Variants in CREB3L2 observed in about 807,000 individuals in gnomAD.
The protein encoded by CREB3L2 is cyclic AMP-responsive element-binding protein 3-like protein 2.
CREB3L2 carries 23 observed loss-of-function variants against 57.2 expected under a neutral mutation model. The ratio of observed to expected loss-of-function variants is 0.40; its 90% confidence interval spans 0.29 to 0.57. The LOEUF (loss-of-function observed/expected upper bound fraction) is 0.57. Ranked by LOEUF, CREB3L2 falls within the 20% of genes least tolerant of loss-of-function variation. The pLI is 0.42. For missense variants in CREB3L2, 628 were observed against 634.7 expected, an observed-to-expected ratio of 0.99 and a Z score of 0.11; for synonymous variants, 268 against 265.1, an observed-to-expected ratio of 1.01 and a Z score of -0.11.
intron 1 of CREB3L2, among the ~76,000 whole-genome samples, chr7:137,971,368 T>A (rs1801503387): frequency 6.6e-6 from 1 of 151,104 alleles, no homozygotes; most frequent in Non-Finnish European, 1.5e-5. Context: ...GAGAATGGCG[T>A]GAACCTGGGA....
chr7:137,899,591 A>G (rs1157103723), intron 8 of CREB3L2, among the ~76,000 whole-genome samples: 4 of 152,184 alleles, frequency 2.6e-5, no homozygotes. Context: ...AAAACAGAGG[A>G]AGCCCCAGCA....
intron 1 of CREB3L2, among the ~76,000 whole-genome samples, chr7:137,977,204 G>T (rs553835252): frequency 6.6e-6 from 1 of 152,312 alleles, no homozygotes; most frequent in South Asian, 2.1e-4. Flanking sequence ...GGGTTGCAGG[G>T]CTTCTCAAAA....
chr7:137,917,891 C>T (rs1800170620), intron 2 of CREB3L2, among the ~76,000 whole-genome samples: 1 of 152,006 alleles, frequency 6.6e-6, no homozygotes, highest in African/African-American at 2.4e-5. Flanking sequence ...TTCCATCCTT[C>T]ATGGGGTGTG....
At chr7:137,982,113 G>C (rs185269758) in intron 1 of CREB3L2, among the ~76,000 whole-genome samples, 5 of 152,308 alleles carry the variant, frequency 3.3e-5, no homozygotes, top group Non-Finnish European at 5.9e-5. Context: ...TAGAGGTACA[G>C]TCTCTGGGAC....
chr7:137,947,505 C>T (rs564744765), intron 1 of CREB3L2, among the ~76,000 whole-genome samples: 149 of 152,220 alleles, frequency 9.8e-4, no homozygotes, highest in African/African-American at 2.2e-3. Flanking sequence ...CTGTGCCCTC[C>T]GGGGCTCCCC....
chr7:137,928,298 G>A lies in CREB3L2; in HGVS notation c.171C>T (p.Leu57=), dbSNP rs1800527533. The change falls in exon 2 of 12, where the codon CTC becomes CTT. Residue 57 remains leucine, a synonymous_variant. Transcript: ENST00000330387. ...VLGQLLNDPF[L]SEKSVSMEVE... ...CCTCCATTGACACACTCTTCTCTGA[G>A]AGGAAAGGATCATTCAGGAGCTGAC... The A allele has an allele frequency of 6.2e-7, 1 of 1,614,096 alleles. No individual in the cohort carries two copies. Among genetic ancestry groups the A allele is most frequent in the Admixed American group, 1.7e-5 (1 of 60,008 alleles).
intron 1 of CREB3L2, among the ~76,000 whole-genome samples, chr7:137,988,697 G>A (rs984047557): frequency 1.3e-5 from 2 of 152,150 alleles, no homozygotes; most frequent in Non-Finnish European, 2.9e-5. Context: ...ACTAAGAACT[G>A]CAAATGACAC....
intron 8 of CREB3L2, among the ~76,000 whole-genome samples, chr7:137,897,475 T>C (rs1164720960): frequency 6.6e-6 from 1 of 152,204 alleles, no homozygotes; most frequent in Non-Finnish European, 1.5e-5. Flanking sequence ...GTTCAAGCGA[T>C]TCTCCTGCCT....
At chr7:137,899,065 G>GAAAGAAAA (rs1307732035) in intron 8 of CREB3L2, among the ~76,000 whole-genome samples, 6 of 88,706 alleles carry the variant, frequency 6.8e-5, no homozygotes, top group Admixed American at 3.0e-4. Context: ...GAAAAAGAAA[G>GAAAGAAAA]AGAAAGAAAG....
intron 1 of CREB3L2, among the ~76,000 whole-genome samples, chr7:137,964,223 G>C (rs890135502): frequency 3.9e-5 from 6 of 152,206 alleles, no homozygotes; most frequent in African/African-American, 1.4e-4. Flanking sequence ...GGCTGAGGCA[G>C]GAGAATCACT....
intron 1 of CREB3L2, among the ~76,000 whole-genome samples, chr7:137,954,882 GAA>G (rs751788125): frequency 1.3e-5 from 2 of 152,114 alleles, no homozygotes; most frequent in Non-Finnish European, 2.9e-5. Flanking sequence ...GGAATAGAAA[GAA>G]GACTACAAAC....
intron 1 of CREB3L2, among the ~76,000 whole-genome samples, chr7:137,948,897 C>A (rs1214514301): frequency 6.6e-6 from 1 of 152,194 alleles, no homozygotes; most frequent in African/African-American, 2.4e-5. Context: ...TGAAAACCAG[C>A]AGGATCATCA....
chr7:137,976,024 A>G (rs1297088487), intron 1 of CREB3L2, among the ~76,000 whole-genome samples: 3 of 152,228 alleles, frequency 2.0e-5, no homozygotes, highest in African/African-American at 7.2e-5. Context: ...TAAGAACCAG[A>G]TGTTCCACAG....
intron 10 of CREB3L2, among the ~76,000 whole-genome samples, chr7:137,883,734 T>C (rs899673661): frequency 1.3e-5 from 2 of 151,702 alleles, no homozygotes; most frequent in Admixed American, 6.5e-5. Flanking sequence ...TGTTTCTTAC[T>C]ATAGTGTATT....
chr7:137,957,904 C>T (rs1801246892), intron 1 of CREB3L2: 1 of 565,512 alleles, frequency 1.8e-6, no homozygotes, highest in African/African-American at 1.9e-5. Context: ...TGTTTGGTCC[C>T]AAGGGAATAA....
At chr7:137,885,337 G>A (rs1402593055) in intron 9 of CREB3L2, 66 bp downstream of exon 9, 9 of 1,394,976 alleles carry the variant, frequency 6.5e-6, no homozygotes, top group Non-Finnish European at 9.0e-6. Flanking sequence ...CTTGGCAAGT[G>A]GAGGGAGAGG....
rs1799206941 is a variant in CREB3L2 at position 137,878,461 on chromosome 7, G to A, written c.*2015C>T. 1.7e-5 allele frequency: 4 copies of A among 233,078 alleles called. No homozygotes were observed. Among genetic ancestry groups the A allele is most frequent in the Non-Finnish European group, 2.5e-5 (3 of 118,026 alleles). 14.4% of individuals were successfully genotyped at this position (233,078 alleles called of 1,614,324 possible). A position where few individuals can be genotyped will look rare whatever the true frequency, so the allele number is the denominator to read the frequency against. ...CAGTTTAAAAGAGAGGGATGGGTCA[G>A]TGGAGGCCCATGGTTACCAGACACC... is the stretch of plus-strand genomic sequence containing the variant. On this transcript the variant is annotated 3_prime_UTR_variant, in exon 12 of 12. Coordinates refer to ENST00000330387, the MANE Select transcript of CREB3L2 (RefSeq NM_194071.4).
chr7:137,909,132 G>A (rs370789379), intron 4 of CREB3L2, among the ~76,000 whole-genome samples: 3 of 152,172 alleles, frequency 2.0e-5, no homozygotes, highest in Non-Finnish European at 2.9e-5. Context: ...GAAAAAAGCC[G>A]GTTTGTTTCT....
Position 137,876,707 on chromosome 7 carries a change from A to G in CREB3L2, c.*3769T>C, listed in dbSNP as rs753459057. The stretch of plus-strand genomic sequence containing the variant: ...ACTCTCAAGAGGGCACTACCTGCCC[A>G]TGGCTTCACAGGTCCAGCCAGCCCA... On this transcript the variant is annotated 3_prime_UTR_variant, in exon 12 of 12. Coordinates refer to ENST00000330387, the MANE Select transcript of CREB3L2 (RefSeq NM_194071.4). 1 of 232,218 alleles carries G rather than the reference A, an allele frequency of 4.3e-6. No individual in the cohort carries two copies. Among genetic ancestry groups the G allele is most frequent in the African/African-American group, 2.2e-5 (1 of 45,240 alleles). 14.4% of individuals were successfully genotyped at this position (232,218 alleles called of 1,614,324 possible).
Sources: gnomAD v4.1 joint callset for allele counts (sites outside exome capture counted in the v4.1 genomes callset) on GRCh38, gnomAD v4.1.1 for gene constraint, MANE v1.5 for transcripts, NCBI Gene and HGNC (gene_info 2026-07-23, HGNC 2026-07-21) for gene names.